The following CCBE1 variants were observed in gnomAD, a reference collection of about 807,000 sequenced individuals.
CCBE1 encodes collagen and calcium binding EGF domains 1.
CCBE1 carries 37 observed loss-of-function variants against 50.0 expected under a neutral mutation model. The observed-to-expected ratio is 0.74, with a 90% CI of 0.57 to 0.97. CCBE1 has a LOEUF of 0.97. Among genes scored for constraint, CCBE1 ranks in the 50% least tolerant of loss-of-function variants. CCBE1 has a pLI of 0.00. For missense variants in CCBE1, 538 were observed against 523.8 expected (o/e 1.03, Z -0.26); for synonymous variants, 234 against 203.7 (o/e 1.15, Z -1.27).
At chr18:59,509,565 T>A (rs1016495923) in intron 2 of CCBE1, among the ~76,000 whole-genome samples, 1 of 152,182 alleles carries the variant, frequency 6.6e-6, no homozygotes, top group Non-Finnish European at 1.5e-5. Flanking sequence ...AGAAACTTGG[T>A]CCTTAACCAG....
At chr18:59,531,281 G>C (rs561981086) in intron 2 of CCBE1, among the ~76,000 whole-genome samples, 3 of 152,000 alleles carry the variant, frequency 2.0e-5, no homozygotes, top group Non-Finnish European at 4.4e-5. Context: ...CCCCAAGCCA[G>C]TGTGAAAGAT....
At chr18:59,666,733 G>A (rs1239315069) in intron 2 of CCBE1, among the ~76,000 whole-genome samples, 1 of 152,134 alleles carries the variant, frequency 6.6e-6, no homozygotes, top group African/African-American at 2.4e-5. Flanking sequence ...TTGGGAGGCC[G>A]AGGTGGATGG....
At chr18:59,452,688 C>T (rs1246989610) in intron 6 of CCBE1, among the ~76,000 whole-genome samples, 8 of 152,266 alleles carry the variant, frequency 5.3e-5, no homozygotes, top group Admixed American at 1.3e-4. Flanking sequence ...CCCTCTCGGA[C>T]GGTTATTGCA....
chr18:59,628,537 G>T (rs111963669), intron 2 of CCBE1, among the ~76,000 whole-genome samples: 4 of 152,158 alleles, frequency 2.6e-5, no homozygotes, highest in Admixed American at 2.0e-4. Context: ...CAACAGGGCT[G>T]CCATGGACAT....
At chr18:59,693,003 C>A (rs933675074) in intron 2 of CCBE1, among the ~76,000 whole-genome samples, 22 of 146,074 alleles carry the variant, frequency 1.5e-4, no homozygotes, top group African/African-American at 5.2e-4. Flanking sequence ...CACACACACA[C>A]AAACAAAAAA....
intron 9 of CCBE1, among the ~76,000 whole-genome samples, chr18:59,438,708 T>C (rs143247449): frequency 2.0e-5 from 3 of 152,370 alleles, no homozygotes; most frequent in Non-Finnish European, 4.4e-5. Context: ...GTTTTGGAAT[T>C]GAAGACAATG....
At chr18:59,500,890 G>T (rs967845950) in intron 2 of CCBE1, among the ~76,000 whole-genome samples, 1 of 152,132 alleles carries the variant, frequency 6.6e-6, no homozygotes, top group Admixed American at 6.5e-5. Flanking sequence ...TGCTACTGAT[G>T]GTCCCCCAGA....
At chr18:59,517,189 T>C (rs931398541) in intron 2 of CCBE1, among the ~76,000 whole-genome samples, 14 of 152,182 alleles carry the variant, frequency 9.2e-5, no homozygotes, top group African/African-American at 3.4e-4. Context: ...GAAAAATGGG[T>C]GTAGACAACA....
intron 2 of CCBE1, among the ~76,000 whole-genome samples, chr18:59,607,938 T>C (rs1216578699): frequency 1.3e-5 from 2 of 152,100 alleles, no homozygotes; most frequent in African/African-American, 4.8e-5. Context: ...TAGCTGTGTG[T>C]TGTGGCGTGT....
intron 5 of CCBE1, 80 bp downstream of exon 5, chr18:59,466,659 T>C (rs891151620): frequency 6.6e-5 from 55 of 834,708 alleles, no homozygotes; most frequent in Non-Finnish European, 9.1e-5. Context: ...ATCTATATAA[T>C]ATATAAACCC....
intron 2 of CCBE1, among the ~76,000 whole-genome samples, chr18:59,604,794 T>C (rs2053475639): frequency 6.6e-6 from 1 of 152,246 alleles, no homozygotes; most frequent in Non-Finnish European, 1.5e-5. Flanking sequence ...TCTAGTTTTG[T>C]TGGCTTAGCA....
chr18:59,558,278 G>A (rs2052682884), intron 2 of CCBE1, among the ~76,000 whole-genome samples: 1 of 152,218 alleles, frequency 6.6e-6, no homozygotes, highest in Non-Finnish European at 1.5e-5. Context: ...GTTGTTGAAA[G>A]TGTGACTTCA....
chr18:59,514,686 G>A (rs552911881), intron 2 of CCBE1, among the ~76,000 whole-genome samples: 15 of 145,064 alleles, frequency 1.0e-4, no homozygotes, highest in East Asian at 2.0e-4. Flanking sequence ...TAATCTAAGC[G>A]GCATCTGCTG....
At chr18:59,484,539 A>G (rs911327754) in intron 2 of CCBE1, among the ~76,000 whole-genome samples, 1 of 152,268 alleles carries the variant, frequency 6.6e-6, no homozygotes, top group Admixed American at 6.5e-5. Context: ...CTGTCCACGC[A>G]GTGGAGTAAG....
intron 2 of CCBE1, among the ~76,000 whole-genome samples, chr18:59,660,426 T>TC (rs1329929689): frequency 2.0e-5 from 3 of 152,196 alleles, no homozygotes; most frequent in Non-Finnish European, 4.4e-5. Context: ...CATACTTCAT[T>TC]CTCGGTGTAC....
intron 2 of CCBE1, among the ~76,000 whole-genome samples, chr18:59,596,903 C>A (rs185661989): frequency 6.6e-6 from 1 of 152,264 alleles, no homozygotes; most frequent in African/African-American, 2.4e-5. Context: ...AAAGACAGTA[C>A]CAGGAGAACA....
At chr18:59,583,676 TGTGTGC>T (rs1324227499) in intron 2 of CCBE1, among the ~76,000 whole-genome samples, 106 of 68,894 alleles carry the variant, frequency 1.5e-3, no homozygotes, top group Non-Finnish European at 2.3e-3. Context: ...TGTGTGTGTG[TGTGTGC>T]GCGCGCGCGC....
At chr18:59,476,255 G>A (rs1252467162) in intron 3 of CCBE1, among the ~76,000 whole-genome samples, 1 of 152,188 alleles carries the variant, frequency 6.6e-6, no homozygotes, top group East Asian at 1.9e-4. Context: ...CCGATGCACA[G>A]TACAAGCTTT....
chr18:59,696,248 G>T (rs557770670), intron 2 of CCBE1, among the ~76,000 whole-genome samples: 1 of 152,280 alleles, frequency 6.6e-6, no homozygotes, highest in Admixed American at 6.5e-5. Flanking sequence ...CAAGTGCCAA[G>T]AATTGCCTTG....
Sources: gnomAD v4.1 joint callset for allele counts (sites outside exome capture counted in the v4.1 genomes callset) on GRCh38, gnomAD v4.1.1 for gene constraint, MANE v1.5 for transcripts, NCBI Gene and HGNC (gene_info 2026-07-23, HGNC 2026-07-21) for gene names.